The following ZNF248 variants were observed in gnomAD, a reference collection of about 807,000 sequenced individuals.
ZNF248 encodes the protein zinc finger protein 248.
In ZNF248, 20 loss-of-function variants were observed where a neutral mutation model predicts 44.3. That is an observed-to-expected ratio of 0.45 (90% CI 0.32 to 0.66). ZNF248 has a LOEUF of 0.66. Ranked by LOEUF, ZNF248 falls within the 30% of genes least tolerant of loss-of-function variation. The pLI, the probability that ZNF248 is intolerant of heterozygous loss-of-function variation, is 0.04. For missense variants in ZNF248, 654 were observed against 677.0 expected (o/e 0.97, Z 0.38); for synonymous variants, 224 against 229.0 (o/e 0.98, Z 0.20).
intron 6 of ZNF248, among the ~76,000 whole-genome samples, chr10:37,801,920 A>T (rs2049884512): frequency 6.6e-6 from 1 of 152,210 alleles, no homozygotes; most frequent in Non-Finnish European, 1.5e-5. Flanking sequence ...CTTGAACCTC[A>T]ATGTTTTAAT....
intron 3 of ZNF248, among the ~76,000 whole-genome samples, chr10:37,854,607 C>G (rs2060940146): frequency 6.6e-6 from 1 of 152,158 alleles, no homozygotes; most frequent in African/African-American, 2.4e-5. Context: ...AATAAGCATT[C>G]CCATGCATTG....
intron 6 of ZNF248, among the ~76,000 whole-genome samples, chr10:37,785,237 T>C (rs554489144): frequency 2.0e-4 from 31 of 152,320 alleles, no homozygotes; most frequent in African/African-American, 7.5e-4. Context: ...TCTAGGATTC[T>C]GGAGCAAAAC....
intron 3 of ZNF248, among the ~76,000 whole-genome samples, chr10:37,845,039 G>GGGGTCTCACTCTGTGGTTCAGGC (rs1407441802): frequency 1.2e-4 from 6 of 48,894 alleles, no homozygotes; most frequent in African/African-American, 5.3e-4. Context: ...TTTGGAGATG[G>GGGGTCTCACTCTGTGGTTCAGGC]GGGTCTCACT....
intron 6 of ZNF248, among the ~76,000 whole-genome samples, chr10:37,779,136 A>G (rs914787922): frequency 1.3e-5 from 2 of 151,194 alleles, no homozygotes; most frequent in Admixed American, 1.3e-4. Context: ...TCAATAGAAA[A>G]AGAGGGAATC....
chr10:37,780,010 A>C (rs2047084790), intron 6 of ZNF248, among the ~76,000 whole-genome samples: 1 of 149,810 alleles, frequency 6.7e-6, no homozygotes. Context: ...TCAAGGAAAT[A>C]AAAGAGGATA....
In ZNF248 at chr10:37,829,456, T is replaced by A; in HGVS notation, c.*2159A>T. On this transcript the variant is annotated 3_prime_UTR_variant, in exon 6 of 6. Transcript: ENST00000395867. The stretch of plus-strand genomic sequence containing the variant: ...ATATTAACTTGTGAAAAGAAATAAT[T>A]CTTCCCCCTAATTACCATATAGAAC... The A allele has an allele frequency of 1.0e-6, 1 of 985,406 alleles. No individual in the cohort carries two copies. The highest frequency in any genetic ancestry group is 1.2e-6 in the Non-Finnish European group (1 of 829,924). 61.0% of individuals were successfully genotyped at this position (985,406 alleles called of 1,614,324 possible). A position where few individuals can be genotyped will look rare whatever the true frequency, so the allele number is the denominator to read the frequency against.
At chr10:37,818,008 C>T (rs1332869344) in intron 6 of ZNF248, among the ~76,000 whole-genome samples, 1 of 152,044 alleles carries the variant, frequency 6.6e-6, no homozygotes, top group Admixed American at 6.6e-5. Flanking sequence ...CTCCGCCTCT[C>T]GGGTTCACGA....
chr10:37,807,136 G>A (rs767709657), intron 6 of ZNF248, among the ~76,000 whole-genome samples: 20 of 151,914 alleles, frequency 1.3e-4, no homozygotes, highest in East Asian at 9.7e-4. Context: ...GGTATGTGCC[G>A]CCACACCCTC....
intron 6 of ZNF248, among the ~76,000 whole-genome samples, chr10:37,807,819 T>C (rs2050805692): frequency 6.6e-6 from 1 of 152,214 alleles, no homozygotes; most frequent in African/African-American, 2.4e-5. Flanking sequence ...GTTTTCTACA[T>C]ATAAAATCAT....
At chr10:37,792,215 A>G (rs1225846349) in intron 6 of ZNF248, among the ~76,000 whole-genome samples, 2 of 152,170 alleles carry the variant, frequency 1.3e-5, no homozygotes, top group African/African-American at 2.4e-5. Flanking sequence ...AGCCTGTCCT[A>G]TGTGGCCATG....
chr10:37,796,389 T>C, intron 6 of ZNF248, among the ~76,000 whole-genome samples: 1 of 151,948 alleles, frequency 6.6e-6, no homozygotes, highest in Non-Finnish European at 1.5e-5. Context: ...CTTTTTTTTT[T>C]TGTATTTTTA....
intron 6 of ZNF248, chr10:37,821,006 G>C: frequency 7.2e-7 from 1 of 1,394,460 alleles, no homozygotes; most frequent in Non-Finnish European, 1.0e-6. Context: ...AGCGTCTCCC[G>C]AGACTAAAGG....
the ZNF248 span, among the ~76,000 whole-genome samples, chr10:37,767,817 A>G: frequency 6.6e-6 from 1 of 152,364 alleles, no homozygotes; most frequent in Admixed American, 6.5e-5. Flanking sequence ...TCCAATTAAA[A>G]GACACAGACT....
chr10:37,810,532 A>G (rs1288512372), intron 6 of ZNF248, among the ~76,000 whole-genome samples: 1 of 152,168 alleles, frequency 6.6e-6, no homozygotes, highest in Non-Finnish European at 1.5e-5. Context: ...TCTGTTATAT[A>G]TGGAGTTTTT....
the ZNF248 span, among the ~76,000 whole-genome samples, chr10:37,771,383 C>T: frequency 6.6e-6 from 1 of 152,122 alleles, no homozygotes; most frequent in Non-Finnish European, 1.5e-5. Context: ...AAATGTCCAA[C>T]AACGATAGAC....
chr10:37,762,651 C>T, the ZNF248 span, among the ~76,000 whole-genome samples: 2 of 152,092 alleles, frequency 1.3e-5, no homozygotes, highest in Non-Finnish European at 2.9e-5. Flanking sequence ...AGTTTTTGGC[C>T]AACTCCTGTA....
chr10:37,805,840 G>A (rs1184148255), intron 6 of ZNF248, among the ~76,000 whole-genome samples: 2 of 152,062 alleles, frequency 1.3e-5, no homozygotes, highest in Non-Finnish European at 2.9e-5. Context: ...TATATATATA[G>A]ATACACACAC....
At chr10:37,849,187 A>T (rs2059809725) in intron 3 of ZNF248, among the ~76,000 whole-genome samples, 1 of 152,176 alleles carries the variant, frequency 6.6e-6, no homozygotes. Context: ...TAATCCCAGC[A>T]CTTTGAAAGA....
At chr10:37,771,229 C>G in the ZNF248 span, among the ~76,000 whole-genome samples, 1 of 152,144 alleles carries the variant, frequency 6.6e-6, no homozygotes, top group Non-Finnish European at 1.5e-5. Flanking sequence ...CCTCAGGGAT[C>G]TAGAACTAGA....
Sources: gnomAD v4.1 joint callset for allele counts (sites outside exome capture counted in the v4.1 genomes callset) on GRCh38, gnomAD v4.1.1 for gene constraint, MANE v1.5 for transcripts, NCBI Gene and HGNC (gene_info 2026-07-23, HGNC 2026-07-21) for gene names.